PCDH9: variants seen among roughly 807,000 people sequenced by gnomAD.
The protein encoded by PCDH9 is protocadherin-9.
Under a neutral mutation model 70.6 loss-of-function variants are expected in PCDH9, and 24 were observed. The ratio of observed to expected loss-of-function variants is 0.34; its 90% confidence interval spans 0.25 to 0.48. The LOEUF is 0.48. PCDH9 is among the 20% of genes least tolerant of loss of function. PCDH9 has a pLI of 0.99. For missense variants in PCDH9, 1,281 were observed against 1,503.6 expected (o/e 0.85, Z 2.45); for synonymous variants, 562 against 558.5 (o/e 1.01, Z -0.09).
intron 4 of PCDH9, among the ~76,000 whole-genome samples, chr13:66,424,740 G>A (rs80263029): frequency 0.016 from 2,504 of 151,910 alleles, 47 homozygotes; most frequent in East Asian, 0.061. Context: ...AAACAATTTC[G>A]TCTGAGATGA....
rs1961755378 is a variant in PCDH9, at chr13:66,556,708, T to C, written c.3340+74502A>G. On this transcript the variant is annotated intron_variant, in intron 4 of 4. Coordinates refer to ENST00000377865, the MANE Select transcript of PCDH9 (RefSeq NM_203487.3). The stretch of plus-strand genomic sequence containing the variant: ...TAAAAATTTTTAAAGTAAAACAGAA[T>C]AAAATTCTAAAGTATTATTATTTTT... Among the ~76,000 whole-genome samples the C allele has an allele frequency of 2.0e-5, 3 of 152,150 alleles. No homozygotes were observed. The South Asian group carries it at 6.2e-4, about 32-fold the overall frequency.
chr13:66,331,439 T>C (rs1375218325), intron 4 of PCDH9, among the ~76,000 whole-genome samples: 2 of 152,170 alleles, frequency 1.3e-5, no homozygotes, highest in Non-Finnish European at 2.9e-5. Context: ...CATCTCTTTA[T>C]TTGAATTAAC....
In PCDH9 at chr13:66,526,992, C is replaced by A. The variant is rs560260924; in HGVS notation, c.3340+104218G>T. Among the ~76,000 whole-genome samples the A allele has an allele frequency of 4.4e-4, 67 of 152,244 alleles. No individual in the cohort carries two copies. In the South Asian group the frequency reaches 8.3e-3, roughly 19 times the overall value. On this transcript the variant is annotated intron_variant, in intron 4 of 4. Transcript: ENST00000377865. ...GAACTAAATGTTAGCAGGTAGGCCA[C>A]GAAGTGGCTGTGGGGTTAGAACAGT...
chr13:66,628,750 A>G (rs186176801), intron 4 of PCDH9, among the ~76,000 whole-genome samples: 2 of 152,226 alleles, frequency 1.3e-5, no homozygotes, highest in Non-Finnish European at 2.9e-5. Context: ...ATTATTTCTT[A>G]TAAGAGTCAA....
At chr13:67,221,401 C>T (rs1367108221) in intron 2 of PCDH9, 1 of 151,990 alleles carries the variant, frequency 6.6e-6, no homozygotes, top group African/African-American at 2.4e-5. Context: ...GAAGAAATTC[C>T]CTTTACACTG....
intron 3 of PCDH9, among the ~76,000 whole-genome samples, chr13:66,658,648 T>C (rs962556274): frequency 1.3e-5 from 2 of 152,166 alleles, no homozygotes; most frequent in African/African-American, 2.4e-5. Context: ...TATCTATACA[T>C]TCTAGGTTCA....
intron 3 of PCDH9, among the ~76,000 whole-genome samples, chr13:66,732,516 T>G (rs1008529518): frequency 3.3e-5 from 5 of 152,002 alleles, no homozygotes; most frequent in African/African-American, 1.2e-4. Context: ...AGAAAAAATA[T>G]TACCACCCCA....
chr13:66,981,182 TAA>T (rs1195956881), intron 2 of PCDH9, among the ~76,000 whole-genome samples: 1 of 152,210 alleles, frequency 6.6e-6, no homozygotes, highest in Non-Finnish European at 1.5e-5. Context: ...CTCACGCCTG[TAA>T]TCCCAGCACT....
intron 4 of PCDH9, among the ~76,000 whole-genome samples, chr13:66,399,344 A>T (rs1957151710): frequency 6.6e-6 from 1 of 152,144 alleles, no homozygotes; most frequent in Admixed American, 6.6e-5. Context: ...TGTGTGTATT[A>T]AGCCTGGGGT....
At chr13:66,789,752 T>C (rs2080134978) in intron 3 of PCDH9, among the ~76,000 whole-genome samples, 1 of 152,174 alleles carries the variant, frequency 6.6e-6, no homozygotes, top group South Asian at 2.1e-4. Context: ...GTTTCTTTTG[T>C]ACAATATCTG....
intron 2 of PCDH9, among the ~76,000 whole-genome samples, chr13:66,957,761 C>A (rs2083286527): frequency 6.6e-6 from 1 of 152,114 alleles, no homozygotes; most frequent in Admixed American, 6.6e-5. Context: ...GGAAGGCAGT[C>A]CTCAGCAGAA....
intron 3 of PCDH9, among the ~76,000 whole-genome samples, chr13:66,701,289 G>A (rs985712975): frequency 1.2e-4 from 18 of 149,574 alleles, no homozygotes; most frequent in African/African-American, 7.3e-5. Flanking sequence ...ACACACACAC[G>A]CACACACACA....
chr13:66,955,868 G>GCTCA (rs1555290595), intron 2 of PCDH9, among the ~76,000 whole-genome samples: 1 of 152,120 alleles, frequency 6.6e-6, no homozygotes, highest in Non-Finnish European at 1.5e-5. Context: ...AGGTGTGGTG[G>GCTCA]CTCACTTCAG....
rs2087736516 is a variant in PCDH9 at position 67,154,125 on chromosome 13, T to C, written c.3036+71280A>G. On this transcript the variant is annotated intron_variant, in intron 2 of 4. Coordinates refer to ENST00000377865, the MANE Select transcript of PCDH9 (RefSeq NM_203487.3). ...TAAGACAAAAAACAGTACATGTATA[T>C]AAGATAATTAAGCACTAGTTTAGAA... is the stretch of plus-strand genomic sequence containing the variant. Among the ~76,000 whole-genome samples the C allele has an allele frequency of 2.0e-5, 3 of 152,224 alleles. No homozygotes were observed. In the South Asian group the frequency reaches 6.2e-4, roughly 32 times the overall value.
intron 4 of PCDH9, among the ~76,000 whole-genome samples, chr13:66,428,920 T>G (rs1031670747): frequency 1.3e-5 from 2 of 151,824 alleles, no homozygotes; most frequent in African/African-American, 4.8e-5. Flanking sequence ...CTATAAGTAA[T>G]CAAATAGCTG....
At chr13:67,184,051 G>A (rs112560621) in intron 2 of PCDH9, among the ~76,000 whole-genome samples, 6 of 152,018 alleles carry the variant, frequency 3.9e-5, no homozygotes, top group East Asian at 3.9e-4. Context: ...TTGCATTTGC[G>A]TCTTTTAAAA....
intron 2 of PCDH9, among the ~76,000 whole-genome samples, chr13:66,922,712 C>A (rs1036498394): frequency 1.3e-5 from 2 of 151,474 alleles, no homozygotes; most frequent in Admixed American, 6.6e-5. Context: ...GCTACTACTG[C>A]AGATAACTCT....
chr13:66,436,893 C>G (rs867874061), intron 4 of PCDH9, among the ~76,000 whole-genome samples: 1 of 151,780 alleles, frequency 6.6e-6, no homozygotes, highest in Admixed American at 6.6e-5. Flanking sequence ...AATATTTACT[C>G]AGAAACTACA....
chr13:66,670,168 A>G (rs1212468294), intron 3 of PCDH9, among the ~76,000 whole-genome samples: 1 of 152,190 alleles, frequency 6.6e-6, no homozygotes, highest in Non-Finnish European at 1.5e-5. Context: ...CATTATGAGC[A>G]TATGCATTTC....
Sources: gnomAD v4.1 joint callset for allele counts (sites outside exome capture counted in the v4.1 genomes callset) on GRCh38, gnomAD v4.1.1 for gene constraint, MANE v1.5 for transcripts, NCBI Gene and HGNC (gene_info 2026-07-23, HGNC 2026-07-21) for gene names.